Variants in LIN54 observed in about 807,000 individuals in gnomAD.
LIN54 encodes lin-54 DREAM MuvB core complex component.
LIN54 carries 9 observed loss-of-function variants against 78.7 expected under a neutral mutation model. The ratio of observed to expected loss-of-function variants is 0.11; its 90% CI spans 0.07 to 0.20. The LOEUF is 0.20. Among genes scored for constraint, LIN54 ranks in the 10% least tolerant of loss-of-function variants. The probability of loss-of-function intolerance (pLI) is 1.00; values close to 1 mark genes in which losing one functional copy is unlikely to be tolerated. For missense variants in LIN54, 573 were observed against 889.9 expected, an observed-to-expected ratio of 0.64 and a Z score of 4.53; for synonymous variants, 269 against 318.4, an observed-to-expected ratio of 0.84 and a Z score of 1.65.
intron 1 of LIN54, among the ~76,000 whole-genome samples, chr4:83,006,192 G>A (rs1729346323): frequency 6.6e-6 from 1 of 152,184 alleles, no homozygotes; most frequent in Admixed American, 6.5e-5. Flanking sequence ...GCTCACGCCT[G>A]TAATCCCAGG....
chr4:82,929,076 G>C (rs1407521261), intron 12 of LIN54, among the ~76,000 whole-genome samples: 1 of 152,096 alleles, frequency 6.6e-6, no homozygotes, highest in Non-Finnish European at 1.5e-5. Flanking sequence ...AAATAATGAA[G>C]TCTGAAATTA....
chr4:83,006,648 C>T (rs781667651), intron 1 of LIN54, among the ~76,000 whole-genome samples: 3 of 151,562 alleles, frequency 2.0e-5, no homozygotes, highest in Non-Finnish European at 2.9e-5. Context: ...CCTTTAAAGT[C>T]TATGTTCAAG....
chr4:82,950,572 A>G (rs1444917767), intron 4 of LIN54, among the ~76,000 whole-genome samples: 1 of 152,210 alleles, frequency 6.6e-6, no homozygotes, highest in Non-Finnish European at 1.5e-5. Context: ...CATTCAGTAA[A>G]AATCTTCATT....
chr4:82,979,812 C>T (rs1726471127), intron 2 of LIN54, among the ~76,000 whole-genome samples: 1 of 151,514 alleles, frequency 6.6e-6, no homozygotes, highest in South Asian at 2.1e-4. Flanking sequence ...TGGCGCACAC[C>T]TATAATCTTA....
chr4:82,990,118 A>G (rs942481253), intron 1 of LIN54, among the ~76,000 whole-genome samples: 19 of 152,196 alleles, frequency 1.2e-4, no homozygotes, highest in African/African-American at 3.4e-4. Flanking sequence ...GAGAATTTTC[A>G]TATCTCCTAA....
At chr4:82,998,581 G>C (rs991171070) in intron 1 of LIN54, among the ~76,000 whole-genome samples, 1 of 143,180 alleles carries the variant, frequency 7.0e-6, no homozygotes, top group African/African-American at 2.8e-5. Flanking sequence ...GGAAAGAAAA[G>C]AGAGAAAGAA....
chr4:83,002,271 C>A (rs931166443), intron 1 of LIN54, among the ~76,000 whole-genome samples: 1 of 151,554 alleles, frequency 6.6e-6, no homozygotes, highest in Non-Finnish European at 1.5e-5. Context: ...CATAGTGGTG[C>A]ATGCCTTTAA....
At chr4:82,984,931 A>T in intron 1 of LIN54, 55 bp from the exon 2 acceptor site, 1 of 1,236,216 alleles carries the variant, frequency 8.1e-7, no homozygotes, top group Non-Finnish European at 1.1e-6. Flanking sequence ...GATGTAAGAA[A>T]AAAATTCAAA....
At chr4:82,957,300 C>G (rs1007134207) in intron 4 of LIN54, among the ~76,000 whole-genome samples, 1 of 152,198 alleles carries the variant, frequency 6.6e-6, no homozygotes, top group African/African-American at 2.4e-5. Context: ...TCTACCTGCC[C>G]ACCACACAAT....
intron 4 of LIN54, among the ~76,000 whole-genome samples, chr4:82,952,255 G>C (rs543343971): frequency 5.3e-4 from 81 of 152,262 alleles, no homozygotes; most frequent in Middle Eastern, 3.4e-3. Flanking sequence ...AGAATATACA[G>C]AGAACTCCTA....
intron 4 of LIN54, among the ~76,000 whole-genome samples, chr4:82,964,068 T>C (rs906923730): frequency 1.6e-4 from 23 of 142,616 alleles, no homozygotes; most frequent in African/African-American, 5.9e-4. Flanking sequence ...TTTTTTTTTT[T>C]GAGACGGAGT....
chr4:82,993,894 G>C (rs1727964540), intron 1 of LIN54, among the ~76,000 whole-genome samples: 1 of 152,078 alleles, frequency 6.6e-6, no homozygotes, highest in South Asian at 2.1e-4. Context: ...GGGATTACAG[G>C]CATGAGCCAC....
intron 1 of LIN54, among the ~76,000 whole-genome samples, chr4:83,007,240 A>G (rs1021219559): frequency 2.0e-5 from 3 of 152,314 alleles, no homozygotes; most frequent in Middle Eastern, 6.8e-3. Flanking sequence ...CACATACTCA[A>G]TGAATAGGGT....
chr4:82,928,822 A>G (rs189881766), intron 12 of LIN54, among the ~76,000 whole-genome samples: 5 of 152,252 alleles, frequency 3.3e-5, no homozygotes, highest in African/African-American at 7.2e-5. Flanking sequence ...TGTAGAAAAC[A>G]TTCCAAAATT....
intron 4 of LIN54, among the ~76,000 whole-genome samples, chr4:82,968,378 C>T (rs1318241059): frequency 2.0e-5 from 3 of 152,056 alleles, no homozygotes; most frequent in Non-Finnish European, 4.4e-5. Flanking sequence ...AAAGCCAGTT[C>T]CTATTCGTAT....
rs778661311 is a variant in LIN54, at chr4:82,984,802, C to T, written c.43G>A (p.Glu15Lys). The change falls in exon 2 of 13, where the codon GAA (glutamate) becomes AAA (lysine). Residue 15 changes from glutamate (E) to lysine (K), a missense_variant. Physicochemically the swap from Glu to Lys is moderately conservative, Grantham distance 56 (BLOSUM62 1). Around this residue, in one of 6 missense-constraint regions of LIN54, gnomAD observed 183 missense variants for 228.4 expected, o/e 0.80. Coordinates refer to ENST00000340417, the MANE Select transcript of LIN54 (RefSeq NM_194282.4). ...PAEVNSLLPEEIMDTGITLVD... is the reference protein window; with the variant it reads ...PAEVNSLLPEKIMDTGITLVD... ...AAAGTTATACCAGTGTCCATTATTT[C>T]CTCTGGAAGCAAACTATTCACCTCA... 198 of 1,613,448 alleles carry T rather than the reference C, an allele frequency of 1.2e-4. No homozygotes were observed. Among genetic ancestry groups the T allele is most frequent in the Admixed American group, 2.3e-4 (14 of 59,994 alleles).
intron 4 of LIN54, among the ~76,000 whole-genome samples, chr4:82,968,819 A>T (rs868752959): frequency 2.0e-4 from 30 of 152,146 alleles, no homozygotes; most frequent in African/African-American, 7.0e-4. Flanking sequence ...TCGTATTTTT[A>T]AAAATGCAAA....
chr4:82,984,139 T>C, intron 2 of LIN54, 22 bp downstream of exon 2: 1 of 1,519,070 alleles, frequency 6.6e-7, no homozygotes, highest in Non-Finnish European at 8.9e-7. Context: ...TTTTAATTAG[T>C]AAGCCCCCTT....
At chr4:83,007,750 G>A (rs536402639) in intron 1 of LIN54, among the ~76,000 whole-genome samples, 8 of 152,034 alleles carry the variant, frequency 5.3e-5, no homozygotes, top group South Asian at 2.1e-4. Flanking sequence ...TTAACCGAGC[G>A]TGGGGGCCCA....
Sources: allele counts gnomAD v4.1 joint callset (sites outside exome capture counted in the v4.1 genomes callset), GRCh38; gene constraint gnomAD v4.1.1; regional missense constraint gnomAD v4.1.1; transcripts MANE v1.5; gene names NCBI Gene and HGNC (gene_info 2026-07-23, HGNC 2026-07-21).